The following MGST2 variants were observed in gnomAD, a reference collection of about 807,000 sequenced individuals.
MGST2 encodes the protein microsomal glutathione S-transferase 2.
Under a neutral mutation model 16.6 loss-of-function variants are expected in MGST2, and 9 were observed. The ratio of observed to expected loss-of-function variants is 0.54; its 90% CI spans 0.33 to 0.95. The LOEUF (loss-of-function observed/expected upper bound fraction) is 0.95. MGST2 is among the 40% of genes least tolerant of loss of function. The pLI, the probability that MGST2 is intolerant of heterozygous loss-of-function variation, is 0.03. For synonymous variants in MGST2, 79 were observed against 68.0 expected (o/e 1.16, Z -0.79); for missense variants, 159 against 175.1 (o/e 0.91, Z 0.52).
At position 139,722,851 on chromosome 4, in the gene MGST2, A is replaced by G. The variant is rs542687816; in HGVS notation, c.*49-17361A>G. On this transcript the variant is annotated intron_variant, in intron 5 of 5. Transcript: ENST00000616265. ...GCTATTTTCCCAGATGCATAACATC[A>G]TGCTATCTAGGGTGTCTGTAAACAC... Among the ~76,000 whole-genome samples, 136 of 152,358 alleles carry G rather than the reference A, an allele frequency of 8.9e-4. 1 individual carries two copies. Among genetic ancestry groups the G allele is most frequent in the Middle Eastern group, 6.8e-3 (2 of 294 alleles).
intron 5 of MGST2, chr4:139,718,000 G>A (rs72728790): frequency 1.3e-5 from 2 of 152,180 alleles, no homozygotes; most frequent in Admixed American, 6.5e-5. Context: ...GTAAGGTGGA[G>A]CAATTGCTTT....
chr4:139,731,435 TAAAAAA>T (rs70943437), intron 5 of MGST2: 15 of 38,746 alleles, frequency 3.9e-4, no homozygotes, highest in South Asian at 4.0e-3. Context: ...CTGTCTCTAC[TAAAAAA>T]AAAAAAAAAA....
At chr4:139,747,718 G>C in the MGST2 span, among the ~76,000 whole-genome samples, 1 of 150,804 alleles carries the variant, frequency 6.6e-6, no homozygotes, top group East Asian at 2.0e-4. Flanking sequence ...AAAATTCCTT[G>C]CACACATCAT....
intron 3 of MGST2, chr4:139,698,492 C>T (rs1456208660): frequency 7.6e-6 from 9 of 1,182,844 alleles, no homozygotes; most frequent in South Asian, 1.2e-5. Context: ...CTTTTGTAGC[C>T]AGTTGCTTCC....
intron 1 of MGST2, among the ~76,000 whole-genome samples, chr4:139,671,311 T>C (rs1730681115): frequency 1.3e-5 from 2 of 152,048 alleles, no homozygotes; most frequent in South Asian, 4.1e-4. Context: ...CCTCAGCACA[T>C]GTGTATCTCT....
chr4:139,754,483 T>C, the MGST2 span, among the ~76,000 whole-genome samples: 1 of 152,242 alleles, frequency 6.6e-6, no homozygotes, highest in African/African-American at 2.4e-5. Flanking sequence ...TTATCATTTA[T>C]TTAACCAATT....
chr4:139,744,866 T>C (rs1159118495), downstream of MGST2, among the ~76,000 whole-genome samples: 3 of 152,188 alleles, frequency 2.0e-5, no homozygotes, highest in Non-Finnish European at 4.4e-5. Flanking sequence ...AGACCCGGGA[T>C]GGGCAGAGTG....
At chr4:139,729,891 G>A (rs1304277956) in intron 5 of MGST2, among the ~76,000 whole-genome samples, 3 of 152,204 alleles carry the variant, frequency 2.0e-5, no homozygotes, top group African/African-American at 7.2e-5. Flanking sequence ...CCCTGTGTGT[G>A]ACCCAGAGTT....
the MGST2 span, among the ~76,000 whole-genome samples, chr4:139,751,925 G>T: frequency 6.6e-6 from 1 of 152,152 alleles, no homozygotes; most frequent in African/African-American, 2.4e-5. Flanking sequence ...TCAAAGCAGA[G>T]ACCTCCAAGG....
At chr4:139,748,661 T>C in the MGST2 span, among the ~76,000 whole-genome samples, 39 of 152,232 alleles carry the variant, frequency 2.6e-4, 1 homozygote, top group Non-Finnish European at 4.7e-4. Context: ...CTTTCTATAG[T>C]CTATATGTTT....
the MGST2 span, among the ~76,000 whole-genome samples, chr4:139,751,483 C>A: frequency 6.6e-6 from 1 of 152,214 alleles, no homozygotes; most frequent in African/African-American, 2.4e-5. Context: ...AAAGTTTTGA[C>A]TGCATTTTGA....
chr4:139,703,815 T>C (rs1432589585), intron 4 of MGST2, among the ~76,000 whole-genome samples: 1 of 152,254 alleles, frequency 6.6e-6, no homozygotes, highest in East Asian at 1.9e-4. Context: ...CTAGCCTTGA[T>C]AATGCTTTGA....
intron 5 of MGST2, among the ~76,000 whole-genome samples, chr4:139,710,458 G>A (rs921735010): frequency 1.3e-5 from 2 of 152,194 alleles, no homozygotes; most frequent in Non-Finnish European, 2.9e-5. Context: ...GTAAGAATAT[G>A]TGGCTTGAAT....
intron 5 of MGST2, among the ~76,000 whole-genome samples, chr4:139,738,678 A>C (rs192208932): frequency 7.5e-4 from 115 of 152,328 alleles, no homozygotes; most frequent in Middle Eastern, 3.4e-3. Context: ...ACATTTGAAA[A>C]ACAATGCAGA....
intron 1 of MGST2, among the ~76,000 whole-genome samples, chr4:139,671,740 C>G (rs1274431812): frequency 6.6e-6 from 1 of 152,052 alleles, no homozygotes; most frequent in Non-Finnish European, 1.5e-5. Flanking sequence ...CTCCCAGGTT[C>G]AAGTGATTCT....
At chr4:139,734,711 C>T (rs1472142326) in intron 5 of MGST2, among the ~76,000 whole-genome samples, 1 of 152,264 alleles carries the variant, frequency 6.6e-6, no homozygotes, top group Non-Finnish European at 1.5e-5. Context: ...GAACAGCCAG[C>T]TGTTTATTTA....
chr4:139,710,828 G>A (rs1727710038), intron 5 of MGST2, among the ~76,000 whole-genome samples: 1 of 152,134 alleles, frequency 6.6e-6, no homozygotes, highest in Non-Finnish European at 1.5e-5. Context: ...TTTGAAACAT[G>A]TTGTGATACT....
At chr4:139,742,120 C>T (rs563471732), downstream of MGST2, among the ~76,000 whole-genome samples, 13 of 150,728 alleles carry the variant, frequency 8.6e-5, no homozygotes. Flanking sequence ...ATCATCCTCT[C>T]TACAGATCTT....
chr4:139,668,705 C>T (rs1489372059), intron 1 of MGST2, among the ~76,000 whole-genome samples: 2 of 151,578 alleles, frequency 1.3e-5, no homozygotes, highest in Non-Finnish European at 2.9e-5. Flanking sequence ...GGTGGGGGAC[C>T]AGCTTAATGC....
Sources: gnomAD v4.1 joint callset for allele counts (sites outside exome capture counted in the v4.1 genomes callset) on GRCh38, gnomAD v4.1.1 for gene constraint, MANE v1.5 for transcripts, NCBI Gene and HGNC (gene_info 2026-07-23, HGNC 2026-07-21) for gene names.